C2orf78: variants seen among roughly 807,000 people sequenced by gnomAD.
C2orf78 encodes chromosome 2 open reading frame 78.
A neutral mutation model predicts 21.4 loss-of-function variants in C2orf78; 12 were observed. The ratio of observed to expected loss-of-function variants is 0.56; its 90% CI spans 0.36 to 0.91. The LOEUF (loss-of-function observed/expected upper bound fraction) is 0.91, where lower values mean the gene tolerates loss of function less well. Ranked by LOEUF, C2orf78 falls within the 40% of genes least tolerant of loss-of-function variation. C2orf78 has a pLI of 0.01. For missense variants in C2orf78, 1,042 were observed against 1,092.4 expected (o/e 0.95, Z 0.65); for synonymous variants, 396 against 413.9 (o/e 0.96, Z 0.52).
chr2:73,816,627 C>T (rs1474128955), exon 3 of C2orf78: 3 of 1,613,472 alleles, frequency 1.9e-6, no homozygotes, highest in Middle Eastern at 1.6e-4. Flanking sequence ...CCCTACCCAG[C>T]CTACTGTCCC....
At chr2:73,813,407 G>C (rs1673126953) in intron 1 of C2orf78, 70 bp from the exon 2 acceptor site, 4 of 1,409,296 alleles carry the variant, frequency 2.8e-6, no homozygotes, top group South Asian at 2.9e-5. Context: ...TTAAGATAAT[G>C]CTAGTCTTCC....
chr2:73,816,026 C>T (rs952783591), exon 3 of C2orf78: 3 of 1,613,820 alleles, frequency 1.9e-6, no homozygotes, highest in African/African-American at 1.3e-5. Context: ...AGAAGCAAAC[C>T]ATTCCCAATA....
In C2orf78 at chr2:73,816,891, CGT is replaced by C; in HGVS notation, c.2670_2671del (p.Asn892CysfsTer15). ...CATGAAGAGAAAGGCTCAACAAGAG[CGT>C]GAGAATGCTGCCAAATACACCTCTT... On this transcript the variant is annotated frameshift_variant, in exon 3 of 3. Coordinates refer to ENST00000409561, the Ensembl canonical transcript of C2orf78. LOFTEE classifies it low-confidence loss of function (END_TRUNC). The C allele has an allele frequency of 1.2e-6, 2 of 1,613,702 alleles. No individual in the cohort carries two copies. Among genetic ancestry groups the C allele is most frequent in the Non-Finnish European group, 1.7e-6 (2 of 1,179,762 alleles).
chr2:73,809,936 G>T (rs1673042068), intron 1 of C2orf78, among the ~76,000 whole-genome samples: 1 of 151,916 alleles, frequency 6.6e-6, no homozygotes, highest in African/African-American at 2.4e-5. Flanking sequence ...GAAAGACAGG[G>T]TCCCCTACTT....
chr2:73,808,977 T>C, intron 1 of C2orf78: 2 of 545,586 alleles, frequency 3.7e-6, no homozygotes, highest in South Asian at 2.0e-5. Flanking sequence ...TCCCCCTATA[T>C]TCCCAAACAG....
intron 1 of C2orf78, among the ~76,000 whole-genome samples, chr2:73,813,066 T>G (rs1305075931): frequency 6.6e-6 from 1 of 152,192 alleles, no homozygotes; most frequent in Non-Finnish European, 1.5e-5. Flanking sequence ...TTAAAACAGG[T>G]CAATCTGACC....
chr2:73,815,201 C>T (rs1673166541), exon 3 of C2orf78: 1 of 1,614,014 alleles, frequency 6.2e-7, no homozygotes, highest in Non-Finnish European at 8.5e-7. Flanking sequence ...TTGAGAGTAA[C>T]CCATCACCTG....
chr2:73,813,169 T>C (rs971424095), intron 1 of C2orf78, among the ~76,000 whole-genome samples: 3 of 152,196 alleles, frequency 2.0e-5, no homozygotes, highest in African/African-American at 4.8e-5. Context: ...GAGTCTATAC[T>C]AGCCCAGATT....
Position 73,811,177 on chromosome 2 carries a change from G to C in C2orf78, c.98-2300G>C, listed in dbSNP as rs1183777998. ...GTGGTGACAGGCGCCTGTAAACCCAGCTACTTGGGAGGCTTAGGCAGGAGA... is the reference window on the plus strand; with the variant it reads ...GTGGTGACAGGCGCCTGTAAACCCACCTACTTGGGAGGCTTAGGCAGGAGA... On this transcript the variant is annotated intron_variant, in intron 1 of 2. Coordinates refer to ENST00000409561, the Ensembl canonical transcript of C2orf78. Among the ~76,000 whole-genome samples the C allele has an allele frequency of 2.6e-5, 4 of 151,664 alleles. No homozygotes were observed. In the East Asian group the frequency reaches 7.7e-4, roughly 29 times the overall value.
exon 3 of C2orf78, chr2:73,815,883 C>T: frequency 1.2e-6 from 2 of 1,613,580 alleles, no homozygotes; most frequent in Non-Finnish European, 1.7e-6. Flanking sequence ...TAGCAACAAA[C>T]CTCACAAGGC....
intron 1 of C2orf78, chr2:73,809,028 A>G (rs1673017308): frequency 3.1e-6 from 2 of 647,164 alleles, no homozygotes; most frequent in African/African-American, 3.7e-5. Context: ...AAATCCAGAG[A>G]CCTCATTTCA....
chr2:73,816,217 G>A lies in C2orf78; in HGVS notation c.1994G>A (p.Arg665His), dbSNP rs200980816. The change falls in exon 3 of 3, where the codon CGC becomes CAC. Residue 665 changes from arginine to histidine, a missense_variant. Arg to His is a conservative substitution (Grantham distance 29). This residue lies in a region of C2orf78 where 1,039 missense variants were observed against 1,069.7 expected (regional missense o/e 0.97). Transcript: ENST00000409561. ...GGAAGCTCAAGCAACACCCAAAACC[G>A]CCAGCCATTCCCAGCTCTCAAACCA... 748 of 1,613,770 alleles carry A rather than the reference G, an allele frequency of 4.6e-4. 4 individuals are homozygous for A. Among genetic ancestry groups the A allele is most frequent in the East Asian group, 1.1e-3 (51 of 44,876 alleles).
chr2:73,814,536 A>G (rs1573203209), intron 2 of C2orf78, among the ~76,000 whole-genome samples: 1 of 152,160 alleles, frequency 6.6e-6, no homozygotes, highest in Non-Finnish European at 1.5e-5. Flanking sequence ...TCCTTAATCT[A>G]TTACTTTAGT....
chr2:73,816,196 G>T, exon 3 of C2orf78: 2 of 1,613,896 alleles, frequency 1.2e-6, no homozygotes, highest in Non-Finnish European at 1.7e-6. Flanking sequence ...ACCCTGGGAA[G>T]CTCAAGCAAC....
chr2:73,816,035 T>A (rs1318374165), exon 3 of C2orf78: 2 of 1,613,824 alleles, frequency 1.2e-6, no homozygotes, highest in Middle Eastern at 3.3e-4. Flanking sequence ...CCATTCCCAA[T>A]ATGAAACGGA....
exon 3 of C2orf78, chr2:73,816,891 C>G: frequency 1.2e-6 from 2 of 1,613,702 alleles, no homozygotes; most frequent in Non-Finnish European, 1.7e-6. Flanking sequence ...TCAACAAGAG[C>G]GTGAGAATGC....
At chr2:73,810,611 T>TTTATGTATA (rs1257925288) in intron 1 of C2orf78, among the ~76,000 whole-genome samples, 5 of 137,466 alleles carry the variant, frequency 3.6e-5, no homozygotes, top group Non-Finnish European at 6.2e-5. Flanking sequence ...ATATATATAT[T>TTTATGTATA]TTATATATAT....
intron 1 of C2orf78, among the ~76,000 whole-genome samples, chr2:73,785,892 C>G (rs1446967839): frequency 6.6e-6 from 1 of 151,758 alleles, no homozygotes; most frequent in Admixed American, 6.6e-5. Flanking sequence ...ACTAAAAATA[C>G]CAAATTAGCC....
exon 3 of C2orf78, chr2:73,815,231 A>G (rs1388703012): frequency 1.9e-6 from 3 of 1,613,990 alleles, no homozygotes; most frequent in East Asian, 4.5e-5. Flanking sequence ...ACATTTCAAT[A>G]ACTCCAGTCC....
Sources: gnomAD v4.1 joint callset for allele counts (sites outside exome capture counted in the v4.1 genomes callset) on GRCh38, gnomAD v4.1.1 for gene constraint, gnomAD v4.1.1 regional missense constraint, MANE v1.5 for transcripts, NCBI Gene and HGNC (gene_info 2026-07-23, HGNC 2026-07-21) for gene names.